Variants in SPTLC2 observed in about 807,000 individuals in gnomAD.
SPTLC2 encodes the protein serine palmitoyltransferase long chain base subunit 2.
Under a neutral mutation model 62.0 loss-of-function variants are expected in SPTLC2, and 21 were observed. That is an observed-to-expected ratio of 0.34 (90% CI 0.24 to 0.49). The LOEUF (loss-of-function observed/expected upper bound fraction) is 0.49, where lower values mean the gene tolerates loss of function less well. Ranked by LOEUF, SPTLC2 falls within the 20% of genes least tolerant of loss-of-function variation. The pLI is 0.99. For synonymous variants in SPTLC2, 261 were observed against 261.8 expected, an observed-to-expected ratio of 1.00 and a Z score of 0.03; for missense variants, 511 against 713.0, an observed-to-expected ratio of 0.72 and a Z score of 3.23.
At chr14:77,602,000 G>A (rs552800355) in intron 1 of SPTLC2, among the ~76,000 whole-genome samples, 9 of 152,234 alleles carry the variant, frequency 5.9e-5, no homozygotes, top group East Asian at 3.9e-4. Flanking sequence ...CCATGGGGAC[G>A]CCTGCCTTGG....
At chr14:77,587,765 T>C (rs1180423768) in intron 2 of SPTLC2, among the ~76,000 whole-genome samples, 2 of 148,842 alleles carry the variant, frequency 1.3e-5, no homozygotes, top group Non-Finnish European at 3.0e-5. Flanking sequence ...CTCAAAATAA[T>C]AATAATAATA....
chr14:77,512,606 G>A (rs1331019955), intron 11 of SPTLC2, among the ~76,000 whole-genome samples: 2 of 152,176 alleles, frequency 1.3e-5, no homozygotes, highest in Non-Finnish European at 2.9e-5. Context: ...ATGAATAATG[G>A]GTTGTGAATA....
chr14:77,581,632 A>T (rs1418274790), intron 2 of SPTLC2, among the ~76,000 whole-genome samples: 1 of 151,674 alleles, frequency 6.6e-6, no homozygotes, highest in Admixed American at 6.6e-5. Context: ...GGTTGCTCTC[A>T]AACTCCTGAC....
chr14:77,579,997 T>TC (rs2079739073), intron 2 of SPTLC2, among the ~76,000 whole-genome samples: 1 of 152,092 alleles, frequency 6.6e-6, no homozygotes, highest in Non-Finnish European at 1.5e-5. Flanking sequence ...AAAAGACGGC[T>TC]CTTCCCTCCC....
chr14:77,545,219 C>T (rs1424731215), intron 9 of SPTLC2, among the ~76,000 whole-genome samples: 1 of 151,108 alleles, frequency 6.6e-6, no homozygotes, highest in Non-Finnish European at 1.5e-5. Context: ...AAATCAATTC[C>T]TTTTTGGAAA....
At chr14:77,590,850 A>T (rs1214171436) in intron 2 of SPTLC2, among the ~76,000 whole-genome samples, 1 of 152,250 alleles carries the variant, frequency 6.6e-6, no homozygotes, top group Non-Finnish European at 1.5e-5. Context: ...ACAGAGGATA[A>T]AATGGAAGTG....
At chr14:77,610,534 C>G (rs2140066657) in intron 1 of SPTLC2, among the ~76,000 whole-genome samples, 1 of 152,258 alleles carries the variant, frequency 6.6e-6, no homozygotes, top group Middle Eastern at 3.4e-3. Flanking sequence ...AATCCTTACA[C>G]CTTGGCTTCC....
At chr14:77,576,093 G>A (rs1210872380) in intron 4 of SPTLC2, among the ~76,000 whole-genome samples, 5 of 152,198 alleles carry the variant, frequency 3.3e-5, no homozygotes, top group Admixed American at 2.6e-4. Context: ...CTAGAACCCT[G>A]AGAAATAACT....
At chr14:77,580,043 A>G (rs2079739527) in intron 2 of SPTLC2, among the ~76,000 whole-genome samples, 1 of 152,222 alleles carries the variant, frequency 6.6e-6, no homozygotes, top group South Asian at 2.1e-4. Context: ...ATTAGGGGAA[A>G]TGCCATAAAA....
At position 77,511,564 on chromosome 14, in the gene SPTLC2, G is replaced by A. The variant is rs1229639167; in HGVS notation, c.*720C>T. ...GGGGGTGGGACGTGTTACGGTTAGA[G>A]CTTGGGAAGAACCAGAATTTGCGCA... On this transcript the variant is annotated 3_prime_UTR_variant, in exon 12 of 12. Coordinates refer to ENST00000216484, the MANE Select transcript of SPTLC2 (RefSeq NM_004863.4). The A allele has an allele frequency of 6.5e-6, 1 of 153,660 alleles. No homozygotes were observed. Among genetic ancestry groups the A allele is most frequent in the Non-Finnish European group, 1.4e-5 (1 of 69,102 alleles). 9.5% of individuals were successfully genotyped at this position (153,660 alleles called of 1,614,324 possible). A position where few individuals can be genotyped will look rare whatever the true frequency, so the allele number is the denominator to read the frequency against.
intron 4 of SPTLC2, among the ~76,000 whole-genome samples, chr14:77,570,735 G>C (rs2079677329): frequency 6.6e-6 from 1 of 152,116 alleles, no homozygotes; most frequent in South Asian, 2.1e-4. Flanking sequence ...ACCTGCAGTG[G>C]AATTTCCCCA....
intron 4 of SPTLC2, among the ~76,000 whole-genome samples, chr14:77,575,448 C>T (rs376573009): frequency 2.6e-5 from 4 of 152,244 alleles, no homozygotes; most frequent in East Asian, 1.9e-4. Flanking sequence ...ACCTTAGCGA[C>T]GCTTTGGCCA....
chr14:77,528,864 T>C (rs1159493214), intron 9 of SPTLC2, among the ~76,000 whole-genome samples: 2 of 152,202 alleles, frequency 1.3e-5, no homozygotes, highest in Non-Finnish European at 2.9e-5. Flanking sequence ...AGACAGAGTC[T>C]CACTCTTGTC....
intron 2 of SPTLC2, among the ~76,000 whole-genome samples, chr14:77,590,477 G>A (rs75852462): frequency 0.056 from 8,487 of 152,262 alleles, 252 homozygotes; most frequent in Middle Eastern, 0.12. Flanking sequence ...TTGGGAGGCC[G>A]AGGTGGGCAG....
intron 9 of SPTLC2, among the ~76,000 whole-genome samples, chr14:77,551,390 C>CA (rs11347331): frequency 0.024 from 1,461 of 60,676 alleles, 31 homozygotes; most frequent in Admixed American, 0.039. Flanking sequence ...GACTCCGTCT[C>CA]AAAAAAAAAA....
chr14:77,564,296 G>A (rs536244621), intron 5 of SPTLC2, among the ~76,000 whole-genome samples: 10 of 80,712 alleles, frequency 1.2e-4, no homozygotes, highest in Non-Finnish European at 2.3e-4. Flanking sequence ...AAAGGAGGAA[G>A]AGGAGGAGAA....
intron 1 of SPTLC2, among the ~76,000 whole-genome samples, chr14:77,601,789 T>C (rs1239530484): frequency 2.0e-5 from 3 of 152,216 alleles, no homozygotes; most frequent in African/African-American, 7.2e-5. Context: ...CCTTTCAATC[T>C]TGGCGCCACC....
intron 9 of SPTLC2, among the ~76,000 whole-genome samples, chr14:77,534,363 C>T (rs2079457866): frequency 6.6e-6 from 1 of 152,010 alleles, no homozygotes; most frequent in Non-Finnish European, 1.5e-5. Flanking sequence ...ATGACAAATT[C>T]ATATTGATAA....
chr14:77,527,095 CT>C (rs11342711), intron 9 of SPTLC2, among the ~76,000 whole-genome samples: 58,530 of 136,774 alleles, frequency 0.43, 11,806 homozygotes, highest in East Asian at 0.59. Context: ...CGCCCGGCCT[CT>C]TTTTTTTTTT....
Sources: allele counts gnomAD v4.1 joint callset (sites outside exome capture counted in the v4.1 genomes callset), GRCh38; gene constraint gnomAD v4.1.1; transcripts MANE v1.5; gene names NCBI Gene and HGNC (gene_info 2026-07-23, HGNC 2026-07-21).